SLC9C1: variants seen among roughly 807,000 people sequenced by gnomAD.
The protein encoded by SLC9C1 is sodium/hydrogen exchanger 10.
A neutral mutation model predicts 140.9 loss-of-function variants in SLC9C1; 97 were observed. That is an observed-to-expected ratio of 0.69 (90% CI 0.58 to 0.82). The LOEUF (loss-of-function observed/expected upper bound fraction) is 0.82, where lower values mean the gene tolerates loss of function less well. Among genes scored for constraint, SLC9C1 ranks in the 40% least tolerant of loss-of-function variants. SLC9C1 has a pLI of 0.00. For synonymous variants in SLC9C1, 440 were observed against 442.6 expected (o/e 0.99, Z 0.07); for missense variants, 1,340 against 1,389.3 (o/e 0.96, Z 0.56).
chr3:112,230,871 A>G (rs1438080514), intron 13 of SLC9C1, among the ~76,000 whole-genome samples: 1 of 152,200 alleles, frequency 6.6e-6, no homozygotes, highest in Non-Finnish European at 1.5e-5. Flanking sequence ...TTTAGCTAAT[A>G]TTTGAATGAA....
chr3:112,251,182 T>TAC (rs1029475521), intron 10 of SLC9C1, among the ~76,000 whole-genome samples: 1 of 151,950 alleles, frequency 6.6e-6, no homozygotes. Flanking sequence ...AACATCCAGG[T>TAC]ACACACACTG....
At chr3:112,275,106 A>G (rs2080180391) in intron 5 of SLC9C1, 81 bp from the exon 6 acceptor site, 1 of 1,400,782 alleles carries the variant, frequency 7.1e-7, no homozygotes, top group Admixed American at 2.8e-5. Context: ...CAATTTTCTT[A>G]GCAACTATAA....
chr3:112,243,937 T>A (rs933494832), intron 11 of SLC9C1, 58 bp downstream of exon 11: 2 of 1,210,010 alleles, frequency 1.7e-6, no homozygotes, highest in African/African-American at 1.5e-5. Flanking sequence ...TATTAGCACT[T>A]CTTTACCATA....
At chr3:112,235,605 G>T (rs2108194601) in intron 12 of SLC9C1, among the ~76,000 whole-genome samples, 1 of 152,002 alleles carries the variant, frequency 6.6e-6, no homozygotes. Context: ...GATATTGGCT[G>T]TGGGTTTGTC....
chr3:112,185,377 C>T (rs938747687), intron 20 of SLC9C1: 86 of 741,866 alleles, frequency 1.2e-4, no homozygotes, highest in Non-Finnish European at 1.6e-4. Flanking sequence ...TCCAGGTCAT[C>T]GGCCTGCGAT....
At chr3:112,162,411 C>A (rs1393148974) in intron 26 of SLC9C1, among the ~76,000 whole-genome samples, 1 of 152,074 alleles carries the variant, frequency 6.6e-6, no homozygotes, top group African/African-American at 2.4e-5. Flanking sequence ...GTGGGTTTGT[C>A]ATAGATAGCT....
intron 17 of SLC9C1, among the ~76,000 whole-genome samples, chr3:112,203,596 A>C (rs9827894): frequency 0.3 from 45,844 of 151,832 alleles, 7,157 homozygotes; most frequent in African/African-American, 0.35. Flanking sequence ...TTATATATGC[A>C]TGTATCTTGT....
chr3:112,289,620 G>C (rs2080619187), intron 1 of SLC9C1, among the ~76,000 whole-genome samples: 1 of 152,138 alleles, frequency 6.6e-6, no homozygotes, highest in African/African-American at 2.4e-5. Context: ...TCAAAGAGGA[G>C]AACAACATTG....
chr3:112,276,569 C>G (rs1461226956), intron 5 of SLC9C1, among the ~76,000 whole-genome samples: 1 of 151,854 alleles, frequency 6.6e-6, no homozygotes, highest in Non-Finnish European at 1.5e-5. Context: ...GCAAGATGGA[C>G]AAAATTTATG....
intron 7 of SLC9C1, among the ~76,000 whole-genome samples, chr3:112,269,648 G>C (rs749939622): frequency 2.6e-5 from 4 of 151,948 alleles, no homozygotes; most frequent in Non-Finnish European, 5.9e-5. Context: ...GAAATTCTCT[G>C]GGAAAGGCAT....
intron 13 of SLC9C1, among the ~76,000 whole-genome samples, chr3:112,229,466 A>G (rs2078764195): frequency 6.6e-6 from 1 of 152,142 alleles, no homozygotes; most frequent in Admixed American, 6.6e-5. Context: ...TTATATGTCA[A>G]TTAAAACAAC....
At chr3:112,177,866 T>C (rs2107945991) in intron 23 of SLC9C1, among the ~76,000 whole-genome samples, 1 of 151,078 alleles carries the variant, frequency 6.6e-6, no homozygotes, top group South Asian at 2.1e-4. Flanking sequence ...TAGAGTGTTT[T>C]ATGCAAATTC....
intron 12 of SLC9C1, among the ~76,000 whole-genome samples, 191 bp downstream of exon 12, chr3:112,239,649 T>C (rs2079088227): frequency 6.6e-6 from 1 of 152,228 alleles, no homozygotes; most frequent in African/African-American, 2.4e-5. Flanking sequence ...GGTTATGACT[T>C]CTACTTTGCC....
chr3:112,227,482 A>G (rs2078712857), intron 13 of SLC9C1, among the ~76,000 whole-genome samples: 1 of 151,430 alleles, frequency 6.6e-6, no homozygotes, highest in South Asian at 2.1e-4. Flanking sequence ...AGAAAGACCA[A>G]AGCCATTTGA....
intron 10 of SLC9C1, among the ~76,000 whole-genome samples, chr3:112,250,137 C>A (rs1458314817): frequency 6.6e-6 from 1 of 150,658 alleles, no homozygotes. Flanking sequence ...TGTTCAATTC[C>A]CACCTATGAG....
intron 27 of SLC9C1, among the ~76,000 whole-genome samples, chr3:112,154,316 T>C (rs1410399035): frequency 1.3e-5 from 2 of 152,138 alleles, no homozygotes; most frequent in East Asian, 3.9e-4. Flanking sequence ...TCCATACGAT[T>C]CAGACACAGG....
chr3:112,235,418 A>G lies in SLC9C1; in HGVS notation c.1447-3932T>C, dbSNP rs564893613. ...CTAAATATACAATCATGTCATCTGC[A>G]AACAGGGACAATTTGACTTCCTCTT... On this transcript the variant is annotated intron_variant, in intron 12 of 28. Coordinates refer to ENST00000305815, the MANE Select transcript of SLC9C1 (RefSeq NM_183061.3). Among the ~76,000 whole-genome samples, 407 of 151,304 alleles carry G rather than the reference A, an allele frequency of 2.7e-3. 1 individual carries two copies. Among genetic ancestry groups the G allele is most frequent in the Non-Finnish European group, 4.7e-3 (316 of 67,914 alleles).
chr3:112,208,897 T>C (rs1031695430), intron 15 of SLC9C1, among the ~76,000 whole-genome samples: 1 of 152,152 alleles, frequency 6.6e-6, no homozygotes, highest in Non-Finnish European at 1.5e-5. Flanking sequence ...GGTATAAAAT[T>C]GGGATCAAAG....
At chr3:112,273,085 C>T (rs1003177439) in intron 6 of SLC9C1, among the ~76,000 whole-genome samples, 17 of 152,070 alleles carry the variant, frequency 1.1e-4, no homozygotes, top group Non-Finnish European at 2.1e-4. Flanking sequence ...TAGGTGAACA[C>T]GGATCCTCCT....
Sources: allele counts gnomAD v4.1 joint callset (sites outside exome capture counted in the v4.1 genomes callset), GRCh38; gene constraint gnomAD v4.1.1; transcripts MANE v1.5; gene names NCBI Gene and HGNC (gene_info 2026-07-23, HGNC 2026-07-21).